Variants in NXPE2 observed in about 807,000 individuals in gnomAD.
NXPE2 encodes neurexophilin and PC-esterase domain family member 2.
A neutral mutation model predicts 34.4 loss-of-function variants in NXPE2; 34 were observed. The ratio of observed to expected loss-of-function variants is 0.99; its 90% CI spans 0.75 to 1.31. The LOEUF (loss-of-function observed/expected upper bound fraction) is 1.31, where lower values mean the gene tolerates loss of function less well. Among genes scored for constraint, NXPE2 ranks in the 40% most tolerant of loss-of-function variants. The probability of loss-of-function intolerance (pLI) is 0.00; values close to 1 mark genes in which losing one functional copy is unlikely to be tolerated. For missense variants in NXPE2, 649 were observed against 672.5 expected, an observed-to-expected ratio of 0.97 and a Z score of 0.39; for synonymous variants, 235 against 231.3, an observed-to-expected ratio of 1.02 and a Z score of -0.15.
At chr11:114,530,131 C>A in the NXPE2 span, 1 of 1,538,960 alleles carries the variant, frequency 6.5e-7, no homozygotes, top group East Asian at 2.2e-5. Context: ...GACTGGGGCA[C>A]TTCTCAGGGG....
chr11:114,628,681 T>G, the NXPE2 span, among the ~76,000 whole-genome samples: 1 of 65,820 alleles, frequency 1.5e-5, no homozygotes, highest in Non-Finnish European at 2.9e-5. Context: ...AGAGCAGAAC[T>G]GAAGGAAATA....
chr11:114,467,086 A>C, the NXPE2 span, among the ~76,000 whole-genome samples: 1 of 152,196 alleles, frequency 6.6e-6, no homozygotes, highest in Non-Finnish European at 1.5e-5. Context: ...CTCCTTGCAA[A>C]ATTTTATCTC....
the NXPE2 span, among the ~76,000 whole-genome samples, chr11:114,750,762 G>T: frequency 6.6e-6 from 1 of 152,138 alleles, no homozygotes; most frequent in Admixed American, 6.5e-5. Flanking sequence ...CACAACCTTT[G>T]TAGCCTCTGA....
the NXPE2 span, among the ~76,000 whole-genome samples, chr11:114,770,282 C>A: frequency 4.6e-5 from 7 of 152,186 alleles, no homozygotes; most frequent in Non-Finnish European, 7.3e-5. Context: ...GGGTTAGTTG[C>A]CATTTATCTT....
chr11:114,498,459 T>C, the NXPE2 span, among the ~76,000 whole-genome samples: 1 of 152,040 alleles, frequency 6.6e-6, no homozygotes, highest in Non-Finnish European at 1.5e-5. Context: ...TAATAATTAA[T>C]AAAAAACCAT....
chr11:114,643,038 G>T, the NXPE2 span, among the ~76,000 whole-genome samples: 3 of 152,002 alleles, frequency 2.0e-5, no homozygotes, highest in African/African-American at 2.4e-5. Flanking sequence ...TTTAATGTTT[G>T]TTGGCTGCAT....
the NXPE2 span, among the ~76,000 whole-genome samples, chr11:114,602,932 A>G: frequency 6.7e-6 from 1 of 149,518 alleles, no homozygotes; most frequent in Non-Finnish European, 1.5e-5. Flanking sequence ...TCTAATATAT[A>G]ATTACAGAAT....
the NXPE2 span, among the ~76,000 whole-genome samples, chr11:114,532,435 A>G: frequency 6.6e-6 from 1 of 152,158 alleles, no homozygotes; most frequent in Non-Finnish European, 1.5e-5. Flanking sequence ...AAAATAGAAT[A>G]GAAAATAATC....
chr11:114,528,137 C>A, the NXPE2 span, among the ~76,000 whole-genome samples: 1 of 152,160 alleles, frequency 6.6e-6, no homozygotes, highest in East Asian at 1.9e-4. Context: ...CACATGTAAT[C>A]AGTGTGTCCT....
the NXPE2 span, among the ~76,000 whole-genome samples, chr11:114,779,140 T>A: frequency 2.6e-5 from 4 of 152,262 alleles, no homozygotes; most frequent in Non-Finnish European, 4.4e-5. Flanking sequence ...TGGAACCTTT[T>A]CACAGGACAC....
the NXPE2 span, among the ~76,000 whole-genome samples, chr11:114,792,086 A>G: frequency 3.9e-4 from 59 of 152,220 alleles, no homozygotes; most frequent in African/African-American, 1.0e-3. Flanking sequence ...AATAACTAAG[A>G]TACGTGCTGA....
At chr11:114,583,200 C>T in the NXPE2 span, 1 of 777,098 alleles carries the variant, frequency 1.3e-6, no homozygotes, top group South Asian at 1.9e-5. Flanking sequence ...AATAAAAAGG[C>T]ATAGAATGGA....
chr11:114,634,008 T>G, the NXPE2 span, among the ~76,000 whole-genome samples: 1 of 151,944 alleles, frequency 6.6e-6, no homozygotes, highest in African/African-American at 2.4e-5. Context: ...AAATGGTATT[T>G]CTAGTTCTAG....
chr11:114,627,959 A>T, the NXPE2 span, among the ~76,000 whole-genome samples: 1 of 152,096 alleles, frequency 6.6e-6, no homozygotes, highest in Non-Finnish European at 1.5e-5. Flanking sequence ...CAACTCAACA[A>T]GAAGAGCTAA....
the NXPE2 span, among the ~76,000 whole-genome samples, chr11:114,579,768 C>G: frequency 1.3e-5 from 2 of 152,114 alleles, no homozygotes; most frequent in African/African-American, 4.8e-5. Context: ...AGGTTTTGAA[C>G]CCAGGTTGTC....
chr11:114,572,052 C>T, the NXPE2 span, among the ~76,000 whole-genome samples: 38 of 152,258 alleles, frequency 2.5e-4, 1 homozygote, highest in African/African-American at 6.7e-4. Flanking sequence ...GGCTGCAAGA[C>T]CTGAAGATGG....
chr11:114,508,906 C>G, the NXPE2 span, among the ~76,000 whole-genome samples: 2 of 152,002 alleles, frequency 1.3e-5, no homozygotes, highest in Admixed American at 1.3e-4. Flanking sequence ...TGGGATCTAA[C>G]TAAACTAAAT....
chr11:114,570,977 G>C, the NXPE2 span: 44 of 1,608,514 alleles, frequency 2.7e-5, no homozygotes, highest in Non-Finnish European at 3.7e-5. Context: ...TCTGATTTCC[G>C]ACTACATGTT....
At chr11:114,652,232 T>C in the NXPE2 span, among the ~76,000 whole-genome samples, 1 of 152,280 alleles carries the variant, frequency 6.6e-6, no homozygotes, top group Non-Finnish European at 1.5e-5. Context: ...AGCAGGTGAA[T>C]TTGGTGCATG....
Sources: allele counts gnomAD v4.1 joint callset (sites outside exome capture counted in the v4.1 genomes callset), GRCh38; gene constraint gnomAD v4.1.1; transcripts MANE v1.5; gene names NCBI Gene and HGNC (gene_info 2026-07-23, HGNC 2026-07-21).